The following GALNTL6 variants were observed in gnomAD, a reference collection of about 807,000 sequenced individuals.
The protein encoded by GALNTL6 is polypeptide N-acetylgalactosaminyltransferase-like 6.
GALNTL6 carries 46 observed loss-of-function variants against 73.7 expected under a neutral mutation model. The ratio of observed to expected loss-of-function variants is 0.62; its 90% CI spans 0.49 to 0.80. The LOEUF (loss-of-function observed/expected upper bound fraction) is 0.80. Among genes scored for constraint, GALNTL6 ranks in the 30% least tolerant of loss-of-function variants. The pLI is 0.00. For missense variants in GALNTL6, 604 were observed against 755.0 expected (o/e 0.80, Z 2.34); for synonymous variants, 259 against 263.7 (o/e 0.98, Z 0.17).
At chr4:172,207,034 A>C (rs28690111) in intron 2 of GALNTL6, among the ~76,000 whole-genome samples, 1 of 150,528 alleles carries the variant, frequency 6.6e-6, no homozygotes, top group South Asian at 2.1e-4. Context: ...AGCCAGGATG[A>C]TCTCAATCTC....
At chr4:171,866,358 G>C (rs550348045) in intron 2 of GALNTL6, among the ~76,000 whole-genome samples, 2 of 151,424 alleles carry the variant, frequency 1.3e-5, no homozygotes, top group Non-Finnish European at 2.9e-5. Flanking sequence ...TTTCCAATTA[G>C]AGTCAATATT....
At chr4:172,330,361 G>A (rs577108197) in intron 4 of GALNTL6, among the ~76,000 whole-genome samples, 29 of 152,260 alleles carry the variant, frequency 1.9e-4, no homozygotes, top group African/African-American at 4.1e-4. Flanking sequence ...GTGGGTCCCC[G>A]GAGCTGCTAA....
At chr4:172,290,746 A>T (rs940630409) in intron 3 of GALNTL6, among the ~76,000 whole-genome samples, 9 of 151,848 alleles carry the variant, frequency 5.9e-5, no homozygotes, top group African/African-American at 1.7e-4. Context: ...AATATTTATC[A>T]TATCATATAA....
intron 4 of GALNTL6, among the ~76,000 whole-genome samples, chr4:172,331,672 T>C (rs1741131412): frequency 6.6e-6 from 1 of 152,228 alleles, no homozygotes; most frequent in South Asian, 2.1e-4. Flanking sequence ...TGGCATAATA[T>C]TCTCAAGTTT....
chr4:172,290,732 AT>A (rs1739439470), intron 3 of GALNTL6, among the ~76,000 whole-genome samples: 2 of 152,030 alleles, frequency 1.3e-5, no homozygotes, highest in East Asian at 3.9e-4. Flanking sequence ...GTAACATGAT[AT>A]AAAATATTTA....
rs112680452 is a variant in GALNTL6, at chr4:171,981,324, A to T, written c.138+166606A>T. Among the ~76,000 whole-genome samples, 562 of 152,298 alleles carry T rather than the reference A, an allele frequency of 3.7e-3. 2 individuals are homozygous for T. The highest frequency in any genetic ancestry group is 6.2e-3 in the Non-Finnish European group (421 of 68,026). On this transcript the variant is annotated intron_variant, in intron 2 of 12. Transcript: ENST00000506823. ...GCTCAGTGAATCCTCATTGTTACAT[A>T]AACAGTAGGGCAGAGGAAGCAATGG...
At chr4:171,901,198 T>C (rs1737082506) in intron 2 of GALNTL6, among the ~76,000 whole-genome samples, 1 of 152,058 alleles carries the variant, frequency 6.6e-6, no homozygotes, top group African/African-American at 2.4e-5. Flanking sequence ...ACCCTCTACC[T>C]CCAGACTATA....
intron 5 of GALNTL6, among the ~76,000 whole-genome samples, chr4:172,439,511 A>G (rs1731753532): frequency 6.6e-6 from 1 of 151,354 alleles, no homozygotes; most frequent in African/African-American, 2.4e-5. Context: ...AGGTTTTGCT[A>G]TTGTCACTCT....
intron 5 of GALNTL6, among the ~76,000 whole-genome samples, chr4:172,795,564 A>T (rs1287769210): frequency 6.6e-6 from 1 of 152,144 alleles, no homozygotes; most frequent in Non-Finnish European, 1.5e-5. Context: ...TTGTGGTTAC[A>T]TAGTAGGTAT....
At chr4:172,535,848 T>C (rs1489409443) in intron 5 of GALNTL6, among the ~76,000 whole-genome samples, 1 of 152,158 alleles carries the variant, frequency 6.6e-6, no homozygotes, top group South Asian at 2.1e-4. Flanking sequence ...ACAAGTGTAA[T>C]AGATTTTGAT....
At position 171,988,813 on chromosome 4, in the gene GALNTL6, G is replaced by A. The variant is rs572164633; in HGVS notation, c.138+174095G>A. 7.6e-3 allele frequency among the ~76,000 whole-genome samples: 1,130 copies of A among 149,578 alleles called. 8 individuals carry two copies. Among genetic ancestry groups the A allele is most frequent in the South Asian group, 0.011 (53 of 4,774 alleles). ...GGGTAAGAGTGATTAAGTTTTAATA[G>A]GATGGTAAGGGGGGCATGATCGGTC... On this transcript the variant is annotated intron_variant, in intron 2 of 12. Transcript: ENST00000506823.
At chr4:171,865,480 A>C (rs1286969063) in intron 2 of GALNTL6, among the ~76,000 whole-genome samples, 1 of 152,258 alleles carries the variant, frequency 6.6e-6, no homozygotes, top group Non-Finnish European at 1.5e-5. Context: ...TCCATCAGTA[A>C]TTAGTTCCAG....
intron 5 of GALNTL6, among the ~76,000 whole-genome samples, chr4:172,452,405 CT>C (rs1324051982): frequency 3.3e-5 from 5 of 152,106 alleles, no homozygotes; most frequent in Non-Finnish European, 7.3e-5. Flanking sequence ...TGCCCTACCC[CT>C]AACAAGCTAT....
chr4:172,138,502 TATATATATA>T (rs1733707293), intron 2 of GALNTL6, among the ~76,000 whole-genome samples: 3 of 12,630 alleles, frequency 2.4e-4, no homozygotes, highest in African/African-American at 5.0e-4. Context: ...TATATATATA[TATATATATA>T]TATTTTTTTT....
At chr4:172,266,180 A>G (rs967835879) in intron 3 of GALNTL6, 1 of 152,138 alleles carries the variant, frequency 6.6e-6, no homozygotes, top group African/African-American at 2.4e-5. Flanking sequence ...TGTGAGCTGG[A>G]CACCACAGCC....
chr4:171,889,688 T>A (rs1388585653), intron 2 of GALNTL6, among the ~76,000 whole-genome samples: 2 of 151,938 alleles, frequency 1.3e-5, no homozygotes, highest in African/African-American at 2.4e-5. Flanking sequence ...AAAAAATGAG[T>A]CGCAATGGAG....
At chr4:172,045,324 T>G (rs1742186008) in intron 2 of GALNTL6, among the ~76,000 whole-genome samples, 1 of 152,028 alleles carries the variant, frequency 6.6e-6, no homozygotes, top group African/African-American at 2.4e-5. Flanking sequence ...TCCACAAAAT[T>G]TGTCCATATT....
intron 2 of GALNTL6, among the ~76,000 whole-genome samples, chr4:171,990,249 T>C (rs1740295470): frequency 6.6e-6 from 1 of 152,254 alleles, no homozygotes; most frequent in Admixed American, 6.5e-5. Flanking sequence ...CTAAAATTTA[T>C]CAAGTGCATA....
At chr4:172,237,670 A>G (rs1737286357) in intron 3 of GALNTL6, among the ~76,000 whole-genome samples, 1 of 152,118 alleles carries the variant, frequency 6.6e-6, no homozygotes. Context: ...GCCAGAGCTT[A>G]AGTCTAAAAT....
Sources: gnomAD v4.1 joint callset for allele counts (sites outside exome capture counted in the v4.1 genomes callset) on GRCh38, gnomAD v4.1.1 for gene constraint, MANE v1.5 for transcripts, NCBI Gene and HGNC (gene_info 2026-07-23, HGNC 2026-07-21) for gene names.